The following MCTP1 variants were observed in gnomAD, a reference collection of about 807,000 sequenced individuals.
MCTP1 encodes the protein multiple C2 and transmembrane domain-containing protein 1.
In MCTP1, 69 loss-of-function variants were observed where a neutral mutation model predicts 120.6. That is an observed-to-expected ratio of 0.57 (90% CI 0.47 to 0.70). The LOEUF is 0.70. Ranked by LOEUF, MCTP1 falls within the 30% of genes least tolerant of loss-of-function variation. The pLI is 0.00. For synonymous variants in MCTP1, 529 were observed against 493.1 expected (o/e 1.07, Z -0.96); for missense variants, 1,203 against 1,248.8 (o/e 0.96, Z 0.55).
intron 1 of MCTP1, among the ~76,000 whole-genome samples, chr5:95,258,527 TA>T (rs1758126040): frequency 6.6e-6 from 1 of 152,090 alleles, no homozygotes; most frequent in Non-Finnish European, 1.5e-5. Flanking sequence ...AAACATTAGG[TA>T]AAAACTAACG....
At chr5:95,119,943 T>C (rs948545598) in intron 1 of MCTP1, among the ~76,000 whole-genome samples, 12 of 151,494 alleles carry the variant, frequency 7.9e-5, no homozygotes, top group African/African-American at 2.7e-4. Flanking sequence ...GAGGCCGAGG[T>C]GGGCAGATCA....
At chr5:95,269,019 C>T (rs1562291391) in intron 1 of MCTP1, among the ~76,000 whole-genome samples, 1 of 152,202 alleles carries the variant, frequency 6.6e-6, no homozygotes, top group Non-Finnish European at 1.5e-5. Context: ...TGTTTACCAG[C>T]TTTGTGACCT....
In MCTP1 at chr5:95,281,694, A is replaced by C. The variant is rs181981464; in HGVS notation, c.720+2162T>G. On this transcript the variant is annotated intron_variant, in intron 1 of 22. Transcript: ENST00000515393. ...CTATGTCGAAATGCTGATTCTCTAT[A>C]ATGAAAAGCTTCTTCAGAGTTATAG... 1.3e-3 allele frequency among the ~76,000 whole-genome samples: 192 copies of C among 152,316 alleles called. 1 individual carries two copies. The highest frequency in any genetic ancestry group is 4.0e-3 in the African/African-American group (167 of 41,578).
At chr5:95,012,590 T>G (rs752801032) in intron 2 of MCTP1, among the ~76,000 whole-genome samples, 1 of 152,172 alleles carries the variant, frequency 6.6e-6, no homozygotes, top group Non-Finnish European at 1.5e-5. Context: ...TGGTAATTTC[T>G]GCAACATTTC....
chr5:95,159,819 T>G (rs1287835316), intron 1 of MCTP1, among the ~76,000 whole-genome samples: 1 of 152,156 alleles, frequency 6.6e-6, no homozygotes, highest in African/African-American at 2.4e-5. Context: ...CATCAAGTTC[T>G]ACCTAGAGTG....
At chr5:95,035,014 A>G (rs936191404) in intron 1 of MCTP1, among the ~76,000 whole-genome samples, 1 of 152,146 alleles carries the variant, frequency 6.6e-6, no homozygotes, top group Non-Finnish European at 1.5e-5. Flanking sequence ...TTAAAATCAC[A>G]ATAAGATGCC....
chr5:95,276,191 A>T (rs1759811464), intron 1 of MCTP1, among the ~76,000 whole-genome samples: 1 of 146,716 alleles, frequency 6.8e-6, no homozygotes, highest in Non-Finnish European at 1.5e-5. Flanking sequence ...CACACTTGGT[A>T]TTTAAGAGGC....
intron 19 of MCTP1, among the ~76,000 whole-genome samples, chr5:94,716,750 A>C (rs1007550806): frequency 1.4e-5 from 2 of 145,960 alleles, no homozygotes; most frequent in Non-Finnish European, 3.0e-5. Flanking sequence ...GAAATATATA[A>C]AAAGTTTTTT....
intron 1 of MCTP1, among the ~76,000 whole-genome samples, chr5:95,219,680 A>G (rs1753467996): frequency 6.6e-6 from 1 of 152,218 alleles, no homozygotes; most frequent in Admixed American, 6.5e-5. Flanking sequence ...AGTCAGTCAA[A>G]CAAATGTAAA....
At chr5:95,208,668 C>G (rs150869527) in intron 1 of MCTP1, among the ~76,000 whole-genome samples, 13 of 150,326 alleles carry the variant, frequency 8.6e-5, no homozygotes, top group African/African-American at 3.2e-4. Flanking sequence ...TGTTAGGAAT[C>G]AAGAACCACA....
rs536643714 is a variant in MCTP1 at position 94,706,419 on chromosome 5, A to G, written c.*1077T>C. 237 of 150,786 alleles carry G rather than the reference A, an allele frequency of 1.6e-3. No individual in the cohort carries two copies. The highest frequency in any genetic ancestry group is 5.4e-3 in the African/African-American group (224 of 41,218). The allele number at this position is 150,786 out of a possible 1,614,324, so 9.3% of individuals were successfully genotyped here. On this transcript the variant is annotated 3_prime_UTR_variant, in exon 23 of 23. Coordinates refer to ENST00000515393, the MANE Select transcript of MCTP1 (RefSeq NM_024717.7). ...AGCAGTTTATTTTATTTTACAAAAC[A>G]GGTTTTCATGCATAATCAAGAATGA... is the stretch of plus-strand genomic sequence containing the variant.
chr5:94,987,690 G>C (rs1177993516), intron 2 of MCTP1, among the ~76,000 whole-genome samples: 1 of 152,130 alleles, frequency 6.6e-6, no homozygotes. Flanking sequence ...CAGCACCACT[G>C]GCATGACCTG....
At chr5:95,252,969 A>C (rs1280565451) in intron 1 of MCTP1, among the ~76,000 whole-genome samples, 2 of 152,164 alleles carry the variant, frequency 1.3e-5, no homozygotes, top group African/African-American at 2.4e-5. Context: ...CTAATTTGAC[A>C]TTAACAACCT....
At chr5:95,029,498 G>A (rs1236548729) in intron 1 of MCTP1, among the ~76,000 whole-genome samples, 10 of 152,210 alleles carry the variant, frequency 6.6e-5, no homozygotes, top group Admixed American at 5.2e-4. Context: ...ATGGGAAAGT[G>A]AGGGAAGAGA....
At position 94,871,088 on chromosome 5, in the gene MCTP1, C is replaced by G. The variant is rs1797773260; in HGVS notation, c.2140-115G>C. The G allele has an allele frequency of 1.3e-5, 11 of 832,642 alleles. No homozygotes were observed. In the East Asian group the frequency reaches 2.5e-4, roughly 19 times the overall value. 51.6% of individuals were successfully genotyped at this position (832,642 alleles called of 1,614,324 possible). ...GACAGAGAACCCAAAACAACTGTGG[C>G]AATTCTGACAAGTACCTGTTCATTA... On this transcript the variant is annotated intron_variant, in intron 14 of 22. Transcript: ENST00000515393.
intron 18 of MCTP1, among the ~76,000 whole-genome samples, chr5:94,793,886 G>A (rs933749874): frequency 5.3e-5 from 8 of 152,224 alleles, no homozygotes; most frequent in African/African-American, 1.9e-4. Flanking sequence ...ATGGCACAGA[G>A]TGCTGCTCTT....
At chr5:95,140,693 TAAAAAAAAAA>T (rs35248317) in intron 1 of MCTP1, among the ~76,000 whole-genome samples, 370 of 27,586 alleles carry the variant, frequency 0.013, 5 homozygotes, top group African/African-American at 0.034. Flanking sequence ...CTGTCCCTAC[TAAAAAAAAAA>T]AAAAAAAAAA....
intron 3 of MCTP1, among the ~76,000 whole-genome samples, chr5:94,944,100 T>C (rs1818374660): frequency 6.6e-6 from 1 of 152,112 alleles, no homozygotes; most frequent in African/African-American, 2.4e-5. Flanking sequence ...AAATTTAATA[T>C]GTAAAAAATT....
intron 2 of MCTP1, among the ~76,000 whole-genome samples, chr5:94,970,689 C>T (rs1826626756): frequency 6.6e-6 from 1 of 151,862 alleles, no homozygotes; most frequent in African/African-American, 2.4e-5. Flanking sequence ...AACTATTTTT[C>T]CTGAGAATTC....
Sources: gnomAD v4.1 joint callset for allele counts (sites outside exome capture counted in the v4.1 genomes callset) on GRCh38, gnomAD v4.1.1 for gene constraint, MANE v1.5 for transcripts, NCBI Gene and HGNC (gene_info 2026-07-23, HGNC 2026-07-21) for gene names.